The following MYO5A variants were observed in gnomAD, a reference collection of about 807,000 sequenced individuals.
The protein encoded by MYO5A is unconventional myosin-Va.
A neutral mutation model predicts 249.7 loss-of-function variants in MYO5A; 98 were observed. The ratio of observed to expected loss-of-function variants is 0.39; its 90% CI spans 0.33 to 0.46. MYO5A has a LOEUF of 0.46. Ranked by LOEUF, MYO5A falls within the 20% of genes least tolerant of loss-of-function variation. The pLI, the probability that MYO5A is intolerant of heterozygous loss-of-function variation, is 0.98. For missense variants in MYO5A, 1,696 were observed against 2,308.8 expected (o/e 0.73, Z 5.44); for synonymous variants, 778 against 810.6 (o/e 0.96, Z 0.68).
intron 34 of MYO5A, among the ~76,000 whole-genome samples, chr15:52,332,430 T>C (rs2038933461): frequency 1.3e-5 from 2 of 152,190 alleles, no homozygotes; most frequent in African/African-American, 2.4e-5. Context: ...AATGGATATT[T>C]TTACTAAGAA....
At chr15:52,518,641 G>A (rs1724619) in intron 1 of MYO5A, among the ~76,000 whole-genome samples, 140,677 of 152,272 alleles carry the variant, frequency 0.92, 66,041 homozygotes, top group East Asian at 1. Flanking sequence ...TGGCAGAAAA[G>A]TGTTTTAAGG....
At chr15:52,322,285 T>G (rs1468208863) in intron 37 of MYO5A, among the ~76,000 whole-genome samples, 1 of 152,248 alleles carries the variant, frequency 6.6e-6, no homozygotes, top group Non-Finnish European at 1.5e-5. Context: ...TGGCCCCATC[T>G]TCTCAGGGAC....
chr15:52,483,999 T>C (rs1567169177), intron 1 of MYO5A, among the ~76,000 whole-genome samples: 2 of 152,144 alleles, frequency 1.3e-5, no homozygotes, highest in Non-Finnish European at 2.9e-5. Context: ...TCTAGAAGTA[T>C]CCCTGGGAAG....
chr15:52,359,862 A>C, intron 25 of MYO5A, 106 bp downstream of exon 25: 1 of 799,898 alleles, frequency 1.3e-6, no homozygotes, highest in Non-Finnish European at 2.1e-6. Context: ...GATTCAAACA[A>C]ATACTATGTT....
chr15:52,358,224 C>CT (rs911327862), intron 25 of MYO5A, among the ~76,000 whole-genome samples: 1 of 152,196 alleles, frequency 6.6e-6, no homozygotes, highest in Non-Finnish European at 1.5e-5. Context: ...CAAGCACACC[C>CT]TTTTTATCAT....
Position 52,313,508 on chromosome 15 carries a change from C to A in MYO5A, c.*188G>T. On this transcript the variant is annotated 3_prime_UTR_variant, in exon 42 of 42. Transcript: ENST00000399233. ...GAGTGTTGCTATAAAGATAACACAG[C>A]ACGAAAGAGCCTATCTTTGTTTCCA... 1 of 725,762 alleles carries A rather than the reference C, an allele frequency of 1.4e-6. No individual in the cohort carries two copies. The highest frequency in any genetic ancestry group is 2.3e-6 in the Non-Finnish European group (1 of 438,850). The allele number at this position is 725,762 out of a possible 1,614,324, so 45.0% of individuals were successfully genotyped here.
intron 39 of MYO5A, among the ~76,000 whole-genome samples, chr15:52,318,620 T>C (rs1044793397): frequency 2.0e-5 from 3 of 152,132 alleles, no homozygotes; most frequent in Non-Finnish European, 2.9e-5. Flanking sequence ...CTTGTTGCCA[T>C]AGGTACAAAA....
At chr15:52,334,745 T>C (rs902726782) in intron 34 of MYO5A, among the ~76,000 whole-genome samples, 4 of 152,226 alleles carry the variant, frequency 2.6e-5, no homozygotes, top group South Asian at 2.1e-4. Context: ...GAAACAGAGA[T>C]GTTTTCTATG....
intron 1 of MYO5A, among the ~76,000 whole-genome samples, chr15:52,509,872 T>C (rs1724595): frequency 0.78 from 118,990 of 151,766 alleles, 47,098 homozygotes; most frequent in South Asian, 0.85. Flanking sequence ...TCTGTGCCAT[T>C]CTCCTTCTCT....
Position 52,327,905 on chromosome 15 carries a change from T to G in MYO5A, c.4657A>C (p.Lys1553Gln). ...GTTGATGTTAGCAACGACCTTACTT[T>G]CTGATCATCATTCAGGTAGTCAGCA... is the stretch of plus-strand genomic sequence containing the variant. Reference protein sequence around the residue: ...RHADYLNDDQKVRSLLTSTIN... With the variant: ...RHADYLNDDQQVRSLLTSTIN... The change falls in exon 36 of 42, where the codon AAA becomes CAA. Residue 1553 changes from lysine (K) to glutamine (Q), a missense_variant. By Grantham distance (53) the Lys-to-Gln change is moderately conservative. This residue lies in a region of MYO5A where 625 missense variants were observed against 908.1 expected (regional missense o/e 0.69). Transcript: ENST00000399233. The G allele has an allele frequency of 6.2e-7, 1 of 1,613,888 alleles. No individual in the cohort carries two copies. Among genetic ancestry groups the G allele is most frequent in the Non-Finnish European group, 8.5e-7 (1 of 1,179,798 alleles).
At chr15:52,483,719 A>G (rs566215942) in intron 1 of MYO5A, among the ~76,000 whole-genome samples, 1 of 152,326 alleles carries the variant, frequency 6.6e-6, no homozygotes, top group Admixed American at 6.5e-5. Context: ...ATATCCTGGC[A>G]AGAATGCGAA....
intron 5 of MYO5A, among the ~76,000 whole-genome samples, chr15:52,412,499 G>C (rs970730280): frequency 6.6e-6 from 1 of 152,182 alleles, no homozygotes; most frequent in Non-Finnish European, 1.5e-5. Flanking sequence ...TAATCTCTTT[G>C]AGGAGCATTA....
Position 52,409,855 on chromosome 15 carries a change from G to C in MYO5A, c.756+478C>G, listed in dbSNP as rs574562876. Among the ~76,000 whole-genome samples, 12 of 151,040 alleles carry C rather than the reference G, an allele frequency of 7.9e-5. No individual in the cohort carries two copies. The South Asian group carries it at 2.3e-3, about 29-fold the overall frequency. On this transcript the variant is annotated intron_variant, in intron 6 of 41. Coordinates refer to ENST00000399233, the MANE Select transcript of MYO5A (RefSeq NM_001382347.1). ...ACCCAGATGCATCAACTGTTTTTTT[G>C]ATAGTAGTTCACAATTGGGTTGTGA...
At chr15:52,425,225 A>T (rs2075368665) in intron 4 of MYO5A, among the ~76,000 whole-genome samples, 2 of 152,184 alleles carry the variant, frequency 1.3e-5, no homozygotes, top group Admixed American at 6.5e-5. Context: ...ATTTAATACC[A>T]CTACACTAAT....
rs564589946 is a variant in MYO5A, at chr15:52,424,706, G to A, written c.455+1124C>T. Among the ~76,000 whole-genome samples, 7 of 152,166 alleles carry A rather than the reference G, an allele frequency of 4.6e-5. No homozygotes were observed. In the East Asian group the frequency reaches 7.7e-4, roughly 17 times the overall value. ...TTTCTTTCCACCTTATAAATTACTC[G>A]TGGGTTTCCCATATTATATTTATAA... On this transcript the variant is annotated intron_variant, in intron 4 of 41. Coordinates refer to ENST00000399233, the MANE Select transcript of MYO5A (RefSeq NM_001382347.1).
intron 1 of MYO5A, among the ~76,000 whole-genome samples, chr15:52,473,373 T>G (rs913984477): frequency 3.9e-5 from 6 of 152,238 alleles, no homozygotes; most frequent in Non-Finnish European, 7.3e-5. Flanking sequence ...TAGTTTCTTT[T>G]GCTGTGCAGA....
rs150033224 is a variant in MYO5A at position 52,362,423 on chromosome 15, T to C, written c.3309+2131A>G. ...CATTAAAATAAGATATTGTCACTAA[T>C]ATTTTAATTGTCATGGGTTAAAAGA... On this transcript the variant is annotated intron_variant, in intron 24 of 41. Transcript: ENST00000399233. Among the ~76,000 whole-genome samples the C allele has an allele frequency of 5.9e-4, 90 of 152,382 alleles. 1 individual carries two copies. The highest frequency in any genetic ancestry group is 2.0e-3 in the African/African-American group (85 of 41,590).
At chr15:52,427,021 C>T (rs991295395) in intron 3 of MYO5A, among the ~76,000 whole-genome samples, 1 of 152,026 alleles carries the variant, frequency 6.6e-6, no homozygotes, top group East Asian at 1.9e-4. Context: ...AAACATAATA[C>T]AAAACTATAT....
intron 4 of MYO5A, among the ~76,000 whole-genome samples, chr15:52,418,605 A>G (rs1486965115): frequency 6.6e-6 from 1 of 152,198 alleles, no homozygotes; most frequent in Non-Finnish European, 1.5e-5. Flanking sequence ...TAATACCAGA[A>G]TTGACTCATA....
Sources: gnomAD v4.1 joint callset for allele counts (sites outside exome capture counted in the v4.1 genomes callset) on GRCh38, gnomAD v4.1.1 for gene constraint, gnomAD v4.1.1 regional missense constraint, MANE v1.5 for transcripts, NCBI Gene and HGNC (gene_info 2026-07-23, HGNC 2026-07-21) for gene names.